The following CREB3L2 variants were observed in gnomAD, a reference collection of about 807,000 sequenced individuals.
CREB3L2 encodes the protein cyclic AMP-responsive element-binding protein 3-like protein 2.
A neutral mutation model predicts 57.2 loss-of-function variants in CREB3L2; 23 were observed. The observed-to-expected ratio is 0.40, with a 90% CI of 0.29 to 0.57. The LOEUF (loss-of-function observed/expected upper bound fraction) is 0.57. Among genes scored for constraint, CREB3L2 ranks in the 20% least tolerant of loss-of-function variants. CREB3L2 has a pLI of 0.42. For missense variants in CREB3L2, 628 were observed against 634.7 expected (o/e 0.99, Z 0.11); for synonymous variants, 268 against 265.1 (o/e 1.01, Z -0.11).
At chr7:137,913,909 G>A (rs1020884382) in intron 3 of CREB3L2, among the ~76,000 whole-genome samples, 3 of 152,096 alleles carry the variant, frequency 2.0e-5, no homozygotes, top group African/African-American at 4.8e-5. Context: ...AGCAGAATAA[G>A]GAGGGGCCAG....
rs1799297221 is a variant in CREB3L2 at position 137,881,759 on chromosome 7, A to G, written c.1487+653T>C. Among the ~76,000 whole-genome samples the G allele has an allele frequency of 5.3e-5, 8 of 152,270 alleles. No homozygotes were observed. The South Asian group carries it at 1.7e-3, about 32-fold the overall frequency. On this transcript the variant is annotated intron_variant, in intron 11 of 11. Coordinates refer to ENST00000330387, the MANE Select transcript of CREB3L2 (RefSeq NM_194071.4). ...AGGCCCAGGGACCTCCCCTATTACA[A>G]CAACAATACCTTGCAGTCGCATAAG...
chr7:137,991,823 A>G (rs1812065), intron 1 of CREB3L2, among the ~76,000 whole-genome samples: 116,400 of 151,134 alleles, frequency 0.77, 44,889 homozygotes, highest in East Asian at 0.9. Flanking sequence ...CACAAGAATC[A>G]CTTGATCCTG....
chr7:137,986,873 C>T (rs1801800982), intron 1 of CREB3L2, among the ~76,000 whole-genome samples: 1 of 152,202 alleles, frequency 6.6e-6, no homozygotes, highest in Admixed American at 6.5e-5. Flanking sequence ...CGTTTCTGCC[C>T]CTCTCTTAGC....
chr7:137,964,943 G>T (rs769457628), intron 1 of CREB3L2, among the ~76,000 whole-genome samples: 1 of 152,102 alleles, frequency 6.6e-6, no homozygotes, highest in African/African-American at 2.4e-5. Flanking sequence ...CTGCCACCAC[G>T]TAAGACGTGC....
At chr7:137,979,444 C>T (rs533676485) in intron 1 of CREB3L2, among the ~76,000 whole-genome samples, 3 of 152,178 alleles carry the variant, frequency 2.0e-5, no homozygotes, top group South Asian at 2.1e-4. Flanking sequence ...AGAATGCTGC[C>T]GGCCGGGCGC....
intron 1 of CREB3L2, among the ~76,000 whole-genome samples, chr7:137,977,466 AG>A (rs910456135): frequency 2.6e-5 from 4 of 152,254 alleles, no homozygotes; most frequent in Admixed American, 2.0e-4. Flanking sequence ...GACTCAGGAA[AG>A]AATCTTGGTA....
chr7:137,915,544 AT>A (rs1563250574), intron 3 of CREB3L2, among the ~76,000 whole-genome samples: 1 of 151,802 alleles, frequency 6.6e-6, no homozygotes, highest in Non-Finnish European at 1.5e-5. Context: ...CCATAGAGAA[AT>A]TTTTTTTACC....
intron 1 of CREB3L2, chr7:137,953,435 A>G (rs1387095228): frequency 2.3e-6 from 3 of 1,279,226 alleles, no homozygotes; most frequent in Non-Finnish European, 3.1e-6. Flanking sequence ...TGGATAAATA[A>G]CAGTATCTGA....
At chr7:137,894,052 T>A (rs1799572421) in intron 8 of CREB3L2, among the ~76,000 whole-genome samples, 1 of 152,216 alleles carries the variant, frequency 6.6e-6, no homozygotes, top group Admixed American at 6.5e-5. Flanking sequence ...GGTCTTCTTG[T>A]GTTCCTACAC....
intron 1 of CREB3L2, chr7:137,953,224 A>G: frequency 6.0e-6 from 2 of 336,012 alleles, no homozygotes; most frequent in Non-Finnish European, 1.2e-5. Flanking sequence ...GCTCAGGGTT[A>G]GACAGTTTGT....
At chr7:137,884,649 G>C (rs1799371409) in intron 10 of CREB3L2, 1 of 570,906 alleles carries the variant, frequency 1.8e-6, no homozygotes, top group Non-Finnish European at 3.1e-6. Context: ...AAACACAGCA[G>C]TTCTCTTAAA....
intron 1 of CREB3L2, among the ~76,000 whole-genome samples, chr7:137,978,754 G>T (rs1585673358): frequency 1.3e-5 from 2 of 152,176 alleles, no homozygotes; most frequent in East Asian, 1.9e-4. Context: ...GCTGAGGCAG[G>T]CAGCTGAGTC....
rs1421323326 is a variant in CREB3L2 at position 137,885,120 on chromosome 7, A to G, written c.1145T>C (p.Val382Ala). 1 of 1,613,898 alleles carries G rather than the reference A, an allele frequency of 6.2e-7. No individual in the cohort carries two copies. Among genetic ancestry groups the G allele is most frequent in the South Asian group, 1.1e-5 (1 of 91,046 alleles). The change falls in exon 10 of 12, where the codon GTT (valine) becomes GCT (alanine). Residue 382 changes from valine (V) to alanine (A), a missense_variant and splice_region_variant. Physicochemically the swap from Val to Ala is moderately conservative, Grantham distance 64. This residue lies in a region of CREB3L2 where 272 missense variants were observed against 242.7 expected (regional missense o/e 1.12). Transcript: ENST00000330387. ...TGCAACGGCAAAGCACAGCACCACA[A>G]CCTGTGGGAGAGAAAGAGGGGAGAG... The part of the protein sequence containing the change: ...AGTQTGTCLM[V>A]VVLCFAVAFG...
At chr7:137,889,899 G>A (rs7807499) in intron 8 of CREB3L2, among the ~76,000 whole-genome samples, 13,222 of 152,214 alleles carry the variant, frequency 0.087, 1,733 homozygotes, top group African/African-American at 0.28. Flanking sequence ...AAGTCACGTA[G>A]CTAATAAGTA....
intron 1 of CREB3L2, among the ~76,000 whole-genome samples, chr7:137,952,186 C>T (rs1339000338): frequency 6.6e-6 from 1 of 152,164 alleles, no homozygotes; most frequent in East Asian, 1.9e-4. Flanking sequence ...ATGACTAATA[C>T]CCTGTTCAGC....
Position 137,875,246 on chromosome 7 carries a change from C to T in CREB3L2, c.*5230G>A. ...AGCAAAACCTAACTGTCAGCATAGA[C>T]ATTAAAGCTCACCGTTGATTATAGC... On this transcript the variant is annotated 3_prime_UTR_variant, in exon 12 of 12. Coordinates refer to ENST00000330387, the MANE Select transcript of CREB3L2 (RefSeq NM_194071.4). The T allele has an allele frequency of 4.6e-6, 1 of 218,962 alleles. No individual in the cohort carries two copies. The highest frequency in any genetic ancestry group is 9.2e-6 in the Non-Finnish European group (1 of 108,792). The allele number at this position is 218,962 out of a possible 1,614,324, so 13.6% of individuals were successfully genotyped here. A position where few individuals can be genotyped will look rare whatever the true frequency, so the allele number is the denominator to read the frequency against.
chr7:137,887,352 A>C (rs1799441420), intron 8 of CREB3L2, among the ~76,000 whole-genome samples: 1 of 151,950 alleles, frequency 6.6e-6, no homozygotes, highest in Admixed American at 6.5e-5. Context: ...GTTTAAATGG[A>C]TAGGAGTGGT....
At chr7:137,904,895 A>G (rs1799852302) in intron 6 of CREB3L2, among the ~76,000 whole-genome samples, 1 of 152,042 alleles carries the variant, frequency 6.6e-6, no homozygotes, top group South Asian at 2.1e-4. Context: ...CTGAGTGAAG[A>G]GCCAGGCCAG....
chr7:137,991,429 G>A lies in CREB3L2; in HGVS notation c.102+10175C>T, dbSNP rs534313184. Among the ~76,000 whole-genome samples the A allele has an allele frequency of 3.3e-5, 5 of 152,102 alleles. No individual in the cohort carries two copies. In the East Asian group the frequency reaches 9.8e-4, roughly 30 times the overall value. ...TCCACCCACCTCAGCCTCCCAAAGTGCTGGGATTACAGGCGTGAGCCACCG... is the reference window on the plus strand; with the variant it reads ...TCCACCCACCTCAGCCTCCCAAAGTACTGGGATTACAGGCGTGAGCCACCG... On this transcript the variant is annotated intron_variant, in intron 1 of 11. Transcript: ENST00000330387.
Sources: gnomAD v4.1 joint callset for allele counts (sites outside exome capture counted in the v4.1 genomes callset) on GRCh38, gnomAD v4.1.1 for gene constraint, gnomAD v4.1.1 regional missense constraint, MANE v1.5 for transcripts, NCBI Gene and HGNC (gene_info 2026-07-23, HGNC 2026-07-21) for gene names.